The following AGBL4 variants were observed in gnomAD, a reference collection of about 807,000 sequenced individuals.
AGBL4 encodes the protein AGBL carboxypeptidase 4.
AGBL4 carries 58 observed loss-of-function variants against 66.4 expected under a neutral mutation model. The observed-to-expected ratio is 0.87, with a 90% CI of 0.71 to 1.09. The LOEUF (loss-of-function observed/expected upper bound fraction) is 1.09. AGBL4 is among the 50% of genes least tolerant of loss of function. The probability of loss-of-function intolerance (pLI) is 0.00; values close to 1 mark genes in which losing one functional copy is unlikely to be tolerated. For missense variants in AGBL4, 579 were observed against 631.0 expected, an observed-to-expected ratio of 0.92 and a Z score of 0.88; for synonymous variants, 234 against 222.9, an observed-to-expected ratio of 1.05 and a Z score of -0.44.
chr1:49,273,684 T>C (rs189398318), intron 3 of AGBL4, among the ~76,000 whole-genome samples: 16 of 152,030 alleles, frequency 1.1e-4, no homozygotes, highest in African/African-American at 3.6e-4. Context: ...TTTATTTTAT[T>C]TTTATTTTTC....
At chr1:49,495,414 G>A (rs1647452716) in intron 3 of AGBL4, among the ~76,000 whole-genome samples, 1 of 151,862 alleles carries the variant, frequency 6.6e-6, no homozygotes, top group Non-Finnish European at 1.5e-5. Context: ...TGTATGTGTG[G>A]CCCAAGACAA....
chr1:49,680,898 CTT>C (rs561782422), intron 3 of AGBL4, among the ~76,000 whole-genome samples: 1 of 143,464 alleles, frequency 7.0e-6, no homozygotes. Flanking sequence ...GTTGTTTTTC[CTT>C]TTTTTTTTTT....
intron 6 of AGBL4, among the ~76,000 whole-genome samples, chr1:48,713,377 A>G (rs1178446898): frequency 6.6e-6 from 1 of 152,080 alleles, no homozygotes; most frequent in Non-Finnish European, 1.5e-5. Flanking sequence ...AGTCAGGAGG[A>G]CTATGAAGCA....
chr1:49,807,559 G>C (rs1247855827), intron 2 of AGBL4, among the ~76,000 whole-genome samples: 1 of 152,164 alleles, frequency 6.6e-6, no homozygotes, highest in Non-Finnish European at 1.5e-5. Context: ...ATCATACCTT[G>C]AGTCTCATCC....
chr1:49,256,658 GA>G (rs1652532634), intron 3 of AGBL4, among the ~76,000 whole-genome samples: 1 of 152,156 alleles, frequency 6.6e-6, no homozygotes, highest in Non-Finnish European at 1.5e-5. Flanking sequence ...TGTAAAAGTT[GA>G]TAATTTAATC....
At chr1:48,734,139 G>A (rs1012016978) in intron 6 of AGBL4, among the ~76,000 whole-genome samples, 2 of 152,142 alleles carry the variant, frequency 1.3e-5, no homozygotes, top group Admixed American at 6.5e-5. Context: ...GCAGCAAGAC[G>A]AAAGGTTACC....
At chr1:49,960,668 T>C (rs1657046342) in intron 1 of AGBL4, among the ~76,000 whole-genome samples, 1 of 152,136 alleles carries the variant, frequency 6.6e-6, no homozygotes, top group Non-Finnish European at 1.5e-5. Context: ...TCACTGTGTA[T>C]CTCATGGATA....
intron 3 of AGBL4, among the ~76,000 whole-genome samples, chr1:49,574,737 G>A (rs1200349487): frequency 6.6e-6 from 1 of 151,988 alleles, no homozygotes; most frequent in Non-Finnish European, 1.5e-5. Context: ...AAGGCAAGGT[G>A]GGCATAGCTA....
At chr1:49,037,091 T>G (rs1664727377) in intron 5 of AGBL4, among the ~76,000 whole-genome samples, 2 of 152,044 alleles carry the variant, frequency 1.3e-5, no homozygotes, top group African/African-American at 4.8e-5. Context: ...AAAAAGAAGA[T>G]GCTGGTTTTT....
At chr1:48,925,383 TG>T (rs1406098546) in intron 5 of AGBL4, among the ~76,000 whole-genome samples, 1 of 152,328 alleles carries the variant, frequency 6.6e-6, no homozygotes, top group Admixed American at 6.5e-5. Flanking sequence ...TGTAAATAGT[TG>T]TTTTACTATA....
At chr1:49,035,148 T>C (rs956332129) in intron 5 of AGBL4, among the ~76,000 whole-genome samples, 2 of 152,084 alleles carry the variant, frequency 1.3e-5, no homozygotes, top group Admixed American at 6.6e-5. Context: ...TAGTTACTAG[T>C]AATGAACCAA....
At chr1:49,669,825 C>T (rs543924365) in intron 3 of AGBL4, among the ~76,000 whole-genome samples, 4 of 151,982 alleles carry the variant, frequency 2.6e-5, no homozygotes, top group Admixed American at 2.0e-4. Flanking sequence ...ACATATATTG[C>T]TCAGATCTAT....
chr1:50,020,783 A>T, intron 1 of AGBL4, among the ~76,000 whole-genome samples: 1 of 152,218 alleles, frequency 6.6e-6, no homozygotes, highest in South Asian at 2.1e-4. Context: ...ATGAGACTGA[A>T]GTAAAATGTA....
At chr1:49,300,984 G>C (rs1181531805) in intron 3 of AGBL4, among the ~76,000 whole-genome samples, 3 of 152,160 alleles carry the variant, frequency 2.0e-5, no homozygotes, top group Non-Finnish European at 4.4e-5. Flanking sequence ...TGATTTAACT[G>C]TCTGGTTATA....
At chr1:49,999,011 A>T (rs1660557358) in intron 1 of AGBL4, among the ~76,000 whole-genome samples, 1 of 152,186 alleles carries the variant, frequency 6.6e-6, no homozygotes, top group Admixed American at 6.5e-5. Context: ...ATTCTGCCTG[A>T]GAACTGGAAC....
chr1:49,667,394 G>C (rs1010628835), intron 3 of AGBL4, among the ~76,000 whole-genome samples: 1 of 151,990 alleles, frequency 6.6e-6, no homozygotes, highest in Non-Finnish European at 1.5e-5. Flanking sequence ...GGAGGTCAAG[G>C]CTTCAACGAG....
At chr1:48,965,983 T>C (rs188988370) in intron 5 of AGBL4, among the ~76,000 whole-genome samples, 3 of 152,236 alleles carry the variant, frequency 2.0e-5, no homozygotes, top group Non-Finnish European at 4.4e-5. Context: ...AGATTTGAGG[T>C]AGAATTCTCA....
At chr1:49,239,462 T>C (rs1035196606) in intron 4 of AGBL4, among the ~76,000 whole-genome samples, 9 of 152,062 alleles carry the variant, frequency 5.9e-5, no homozygotes, top group Admixed American at 5.2e-4. Context: ...AATAGGAATA[T>C]GATACAGGAA....
chr1:49,788,015 T>C (rs3903649), intron 2 of AGBL4, among the ~76,000 whole-genome samples: 12 of 152,080 alleles, frequency 7.9e-5, no homozygotes, highest in Admixed American at 1.3e-4. Flanking sequence ...TGCAGAACAT[T>C]CCTATCAGGA....
Sources: allele counts gnomAD v4.1 joint callset (sites outside exome capture counted in the v4.1 genomes callset), GRCh38; gene constraint gnomAD v4.1.1; transcripts MANE v1.5; gene names NCBI Gene and HGNC (gene_info 2026-07-23, HGNC 2026-07-21).